ATP8A2: variants seen among roughly 807,000 people sequenced by gnomAD.
ATP8A2 encodes ATPase phospholipid transporting 8A2.
Under a neutral mutation model 165.6 loss-of-function variants are expected in ATP8A2, and 100 were observed. The observed-to-expected ratio is 0.60, with a 90% CI of 0.51 to 0.71. ATP8A2 has a LOEUF of 0.71. Among genes scored for constraint, ATP8A2 ranks in the 30% least tolerant of loss-of-function variants. The probability of loss-of-function intolerance (pLI) is 0.00; values close to 1 mark genes in which losing one functional copy is unlikely to be tolerated. For missense variants in ATP8A2, 1,227 were observed against 1,479.5 expected (o/e 0.83, Z 2.80); for synonymous variants, 543 against 548.8 (o/e 0.99, Z 0.15).
Position 25,482,712 on chromosome 13 carries a change from C to T in ATP8A2, c.221+13591C>T, listed in dbSNP as rs181335195. 3.2e-3 allele frequency among the ~76,000 whole-genome samples: 489 copies of T among 152,244 alleles called. 5 individuals carry two copies. The highest frequency in any genetic ancestry group is 0.011 in the African/African-American group (464 of 41,526). On this transcript the variant is annotated intron_variant, in intron 2 of 36. Transcript: ENST00000381655. ...ATTGAATCATGGGGGCGGTTTCCCC[C>T]ATACTATTCTCGTGGTAGTGAATAA...
chr13:25,677,039 T>C (rs990916039), intron 24 of ATP8A2, among the ~76,000 whole-genome samples: 2 of 152,174 alleles, frequency 1.3e-5, no homozygotes, highest in Non-Finnish European at 1.5e-5. Flanking sequence ...GGCCAGATCA[T>C]TGCCTGGGAC....
chr13:25,827,859 A>G (rs1277875755), intron 27 of ATP8A2, among the ~76,000 whole-genome samples: 2 of 152,260 alleles, frequency 1.3e-5, no homozygotes, highest in African/African-American at 4.8e-5. Flanking sequence ...ATGCAAATTA[A>G]ATCTATTTTT....
At chr13:25,541,772 AG>A in intron 8 of ATP8A2, 146 bp from the exon 9 acceptor site, 1 of 762,930 alleles carries the variant, frequency 1.3e-6, no homozygotes, top group Non-Finnish European at 2.1e-6. Flanking sequence ...GTCTGCCTTG[AG>A]GGGCTGACAG....
At position 25,953,964 on chromosome 13, in the gene ATP8A2, T is replaced by C. The variant is rs1243662825; in HGVS notation, c.3184-7611T>C. 2.0e-5 allele frequency among the ~76,000 whole-genome samples: 3 copies of C among 152,070 alleles called. No individual in the cohort carries two copies. The highest frequency in any genetic ancestry group is 7.2e-5 in the African/African-American group (3 of 41,408). On this transcript the variant is annotated intron_variant, in intron 33 of 36. Coordinates refer to ENST00000381655, the MANE Select transcript of ATP8A2 (RefSeq NM_016529.6). This position sits in a 1 kb window ranked among gnomAD's most constrained non-coding sequence, Gnocchi z 6.7. Reference sequence around the variant, plus strand: ...CACCGAGCTAGCTGCAGGAGTTTTTTTTTTTCATACCCCAGTGGCACCTGG... The same window carrying C: ...CACCGAGCTAGCTGCAGGAGTTTTTCTTTTTCATACCCCAGTGGCACCTGG...
At chr13:25,899,874 T>C (rs1234880272) in intron 33 of ATP8A2, among the ~76,000 whole-genome samples, 1 of 152,138 alleles carries the variant, frequency 6.6e-6, no homozygotes, top group Admixed American at 6.5e-5. Flanking sequence ...ACCCTGCCTC[T>C]CTATGGGGAA....
intron 1 of ATP8A2, among the ~76,000 whole-genome samples, chr13:25,433,871 TCAGAAA>T (rs2034680477): frequency 6.6e-6 from 1 of 152,044 alleles, no homozygotes; most frequent in Non-Finnish European, 1.5e-5. Context: ...GCAAACTAAC[TCAGAAA>T]CAGAAAATAT....
intron 15 of ATP8A2, among the ~76,000 whole-genome samples, chr13:25,560,592 C>G (rs192151583): frequency 3.8e-4 from 56 of 146,112 alleles, no homozygotes; most frequent in African/African-American, 1.1e-3. Context: ...CTCAGCTACT[C>G]GGGAGGCTGA....
At chr13:25,451,106 G>A (rs1356891890) in intron 1 of ATP8A2, among the ~76,000 whole-genome samples, 2 of 151,980 alleles carry the variant, frequency 1.3e-5, no homozygotes, top group African/African-American at 2.4e-5. Context: ...ACCCCCATGA[G>A]GTTGTCTCGT....
intron 25 of ATP8A2, among the ~76,000 whole-genome samples, chr13:25,732,306 G>A (rs1395118056): frequency 6.6e-6 from 1 of 152,128 alleles, no homozygotes; most frequent in Non-Finnish European, 1.5e-5. Context: ...CGGAATATGG[G>A]GCTTGTGGCC....
chr13:26,010,392 C>T (rs565600157), intron 35 of ATP8A2, among the ~76,000 whole-genome samples: 22 of 152,336 alleles, frequency 1.4e-4, no homozygotes, highest in African/African-American at 3.8e-4. Context: ...GAGCCTAGTC[C>T]TGCATGGTCT....
chr13:25,602,563 T>C (rs1007972179), intron 24 of ATP8A2, among the ~76,000 whole-genome samples: 7 of 152,174 alleles, frequency 4.6e-5, no homozygotes, highest in African/African-American at 1.7e-4. Context: ...TCTGGAGGAA[T>C]TGTGCTTCAG....
chr13:25,507,927 G>A (rs1264166180), intron 2 of ATP8A2, among the ~76,000 whole-genome samples: 1 of 152,086 alleles, frequency 6.6e-6, no homozygotes, highest in African/African-American at 2.4e-5. Context: ...AAGGGACGCT[G>A]GAAAGATCAA....
chr13:25,862,264 T>G, intron 32 of ATP8A2, 37 bp from the exon 33 acceptor site: 1 of 1,521,340 alleles, frequency 6.6e-7, no homozygotes, highest in African/African-American at 1.4e-5. Flanking sequence ...GCCAGGCTGG[T>G]CGAGAAGCCT....
In ATP8A2 at chr13:25,532,290, A is replaced by G. The variant is rs1217186525; in HGVS notation, c.439A>G (p.Asn147Asp). 1 of 1,611,066 alleles carries G rather than the reference A, an allele frequency of 6.2e-7. No homozygotes were observed. Among genetic ancestry groups the G allele is most frequent in the Non-Finnish European group, 8.5e-7 (1 of 1,179,168 alleles). Residue 147 changes from asparagine to aspartate, a missense_variant, in exon 5 of 37, where the codon AAT becomes GAT. Transcript: ENST00000381655. ...VEDFKRHKAD[N>D]AVNKKKTIVL... Reference sequence around the variant, plus strand: ...GTAACAGAAGCGACACAAGGCAGACAATGCAGTTAACAAAAAGAAAACAAT... The same window carrying G: ...GTAACAGAAGCGACACAAGGCAGACGATGCAGTTAACAAAAAGAAAACAAT...
At chr13:25,843,426 TGATGG>T (rs1951790901) in intron 30 of ATP8A2, among the ~76,000 whole-genome samples, 1 of 151,986 alleles carries the variant, frequency 6.6e-6, no homozygotes, top group Admixed American at 6.6e-5. Context: ...AACTGTAAGG[TGATGG>T]TATACAACAT....
At chr13:25,939,983 G>C (rs1455524404) in intron 33 of ATP8A2, among the ~76,000 whole-genome samples, 1 of 152,088 alleles carries the variant, frequency 6.6e-6, no homozygotes, top group African/African-American at 2.4e-5. Context: ...CCCACCATCT[G>C]CTTGACTCCG....
intron 33 of ATP8A2, among the ~76,000 whole-genome samples, chr13:25,895,517 G>A (rs1314822748): frequency 3.9e-5 from 6 of 152,258 alleles, no homozygotes; most frequent in East Asian, 1.9e-4. Context: ...GTCTCTGCCC[G>A]GCTTTGGTAT....
At chr13:25,495,853 G>C (rs78604770) in intron 2 of ATP8A2, among the ~76,000 whole-genome samples, 5,836 of 152,036 alleles carry the variant, frequency 0.038, 145 homozygotes, top group Non-Finnish European at 0.05. Flanking sequence ...CTTGATCTGA[G>C]CTGTACACCT....
At chr13:25,748,446 A>G (rs1346199343) in intron 25 of ATP8A2, among the ~76,000 whole-genome samples, 2 of 152,200 alleles carry the variant, frequency 1.3e-5, no homozygotes, top group African/African-American at 2.4e-5. Context: ...ATGACATGTT[A>G]TGACATTTAA....
Sources: allele counts gnomAD v4.1 joint callset (sites outside exome capture counted in the v4.1 genomes callset), GRCh38; gene constraint gnomAD v4.1.1; non-coding constraint Gnocchi (gnomAD v3.1); transcripts MANE v1.5; gene names NCBI Gene and HGNC (gene_info 2026-07-23, HGNC 2026-07-21).